The following SYTL5 variants were observed in gnomAD, a reference collection of about 807,000 sequenced individuals.
SYTL5 encodes the protein synaptotagmin-like protein 5.
In SYTL5, 34 loss-of-function variants were observed where a neutral mutation model predicts 55.9. The ratio of observed to expected loss-of-function variants is 0.61; its 90% confidence interval spans 0.46 to 0.81. SYTL5 has a LOEUF of 0.81. Among genes scored for constraint, SYTL5 ranks in the 30% least tolerant of loss-of-function variants. SYTL5 has a pLI of 0.00. For synonymous variants in SYTL5, 221 were observed against 188.7 expected (o/e 1.17, Z -1.40); for missense variants, 637 against 546.7 (o/e 1.17, Z -1.65).
At chrX:37,903,077 T>C in the SYTL5 span, among the ~76,000 whole-genome samples, 6 of 110,687 alleles carry the variant, frequency 5.4e-5, no homozygotes, top group Non-Finnish European at 1.1e-4. Flanking sequence ...TGTGGAGAAA[T>C]AGGAACACTT....
the SYTL5 span, among the ~76,000 whole-genome samples, chrX:37,938,983 C>T: frequency 6.3e-5 from 7 of 111,251 alleles, no homozygotes; most frequent in Admixed American, 1.9e-4. Flanking sequence ...AATGGTCAGG[C>T]GCGGTGGCTC....
At chrX:38,062,019 G>C (rs916692493) in intron 3 of SYTL5, among the ~76,000 whole-genome samples, 1 of 109,980 alleles carries the variant, frequency 9.1e-6, no homozygotes, top group Non-Finnish European at 1.9e-5. Flanking sequence ...CCAAGCCGGA[G>C]TGCAGTGGCG....
intron 3 of SYTL5, among the ~76,000 whole-genome samples, chrX:38,063,401 G>T (rs1936010238): frequency 9.0e-6 from 1 of 111,465 alleles, no homozygotes; most frequent in Non-Finnish European, 1.9e-5. Flanking sequence ...TGTTCACTAT[G>T]AGTATGGTAC....
chrX:38,059,037 C>T (rs989279181), intron 3 of SYTL5, among the ~76,000 whole-genome samples: 5 of 111,420 alleles, frequency 4.5e-5, no homozygotes, highest in African/African-American at 1.6e-4. Flanking sequence ...ACCTATATTT[C>T]AGTTCATGAA....
At chrX:38,113,607 T>C (rs5917538) in intron 13 of SYTL5, among the ~76,000 whole-genome samples, 33,557 of 110,594 alleles carry the variant, frequency 0.3, 4,333 homozygotes, top group African/African-American at 0.46. Flanking sequence ...CTTTTGGATA[T>C]GGTTTGAATA....
At chrX:37,928,516 A>C in the SYTL5 span, among the ~76,000 whole-genome samples, 1 of 111,130 alleles carries the variant, frequency 9.0e-6, no homozygotes, top group African/African-American at 3.3e-5. Flanking sequence ...AAGCCCTGCA[A>C]AGCCTAAAAT....
intron 2 of SYTL5, among the ~76,000 whole-genome samples, chrX:38,046,889 T>G (rs1569167071): frequency 8.9e-6 from 1 of 111,745 alleles, no homozygotes; most frequent in Non-Finnish European, 1.9e-5. Flanking sequence ...ATAAGCCCCA[T>G]GCAAGTCTGA....
the SYTL5 span, among the ~76,000 whole-genome samples, chrX:37,975,475 A>G: frequency 8.9e-6 from 1 of 111,937 alleles, no homozygotes; most frequent in Non-Finnish European, 1.9e-5. Flanking sequence ...GAGAGTGATG[A>G]GGTTAAAAAA....
chrX:38,125,052 T>C (rs1200998525), intron 15 of SYTL5, among the ~76,000 whole-genome samples: 2 of 111,668 alleles, frequency 1.8e-5, no homozygotes, highest in Non-Finnish European at 3.8e-5. Flanking sequence ...TTCAATAGTG[T>C]CTATTACAGG....
chrX:38,057,442 T>C (rs890555466), intron 3 of SYTL5, among the ~76,000 whole-genome samples: 1 of 111,813 alleles, frequency 8.9e-6, no homozygotes, highest in African/African-American at 3.2e-5. Flanking sequence ...TCAGGTAACG[T>C]GATTCCTCTA....
At chrX:38,076,727 G>T in intron 6 of SYTL5, 26 bp downstream of exon 6, 1 of 1,197,418 alleles carries the variant, frequency 8.4e-7, no homozygotes, top group Non-Finnish European at 1.1e-6. Flanking sequence ...ATTGAGCAAT[G>T]ATGTAGCCTG....
At chrX:37,941,356 T>A in the SYTL5 span, among the ~76,000 whole-genome samples, 5 of 109,866 alleles carry the variant, frequency 4.6e-5, no homozygotes, top group Admixed American at 2.9e-4. Flanking sequence ...CTTTCTGACC[T>A]TGTAATTCAT....
the SYTL5 span, among the ~76,000 whole-genome samples, chrX:37,962,327 GT>G: frequency 0.045 from 4,986 of 109,981 alleles, 152 homozygotes; most frequent in African/African-American, 0.11. Context: ...TGCAGTGTTT[GT>G]TTTTTTTGTC....
the SYTL5 span, among the ~76,000 whole-genome samples, chrX:37,909,596 A>G: frequency 9.0e-6 from 1 of 111,139 alleles, no homozygotes; most frequent in Non-Finnish European, 1.9e-5. Flanking sequence ...ACACCCCTGG[A>G]GTAGATTAGC....
At chrX:37,965,981 T>C in the SYTL5 span, among the ~76,000 whole-genome samples, 6 of 112,562 alleles carry the variant, frequency 5.3e-5, no homozygotes, top group South Asian at 2.2e-3. Flanking sequence ...TTCAACCTAT[T>C]TGTGTACTTA....
At chrX:38,036,518 A>G (rs1935112017) in intron 2 of SYTL5, among the ~76,000 whole-genome samples, 1 of 111,584 alleles carries the variant, frequency 9.0e-6, no homozygotes, top group Non-Finnish European at 1.9e-5. Flanking sequence ...TTATAAATCC[A>G]AGAGATACTT....
chrX:38,117,957 C>T (rs969437674), intron 13 of SYTL5, among the ~76,000 whole-genome samples: 7 of 111,602 alleles, frequency 6.3e-5, no homozygotes, highest in African/African-American at 1.6e-4. Flanking sequence ...TCACAGAGCC[C>T]ACACAGACCC....
At chrX:37,944,099 A>C in the SYTL5 span, among the ~76,000 whole-genome samples, 1 of 111,086 alleles carries the variant, frequency 9.0e-6, no homozygotes, top group Admixed American at 9.6e-5. Context: ...AGCCTGAGAA[A>C]GGAACTTCCC....
the SYTL5 span, among the ~76,000 whole-genome samples, chrX:37,968,077 C>A: frequency 9.1e-6 from 1 of 110,345 alleles, no homozygotes; most frequent in Non-Finnish European, 1.9e-5. Context: ...CCTTGAGCAT[C>A]TTTATGATGG....
Sources: allele counts gnomAD v4.1 joint callset (sites outside exome capture counted in the v4.1 genomes callset), GRCh38; gene constraint gnomAD v4.1.1; transcripts MANE v1.5; gene names NCBI Gene and HGNC (gene_info 2026-07-23, HGNC 2026-07-21).